The following NBEAL1 variants were observed in gnomAD, a reference collection of about 807,000 sequenced individuals.
NBEAL1 encodes the protein neurobeachin-like protein 1.
Under a neutral mutation model 351.3 loss-of-function variants are expected in NBEAL1, and 273 were observed. The ratio of observed to expected loss-of-function variants is 0.78; its 90% CI spans 0.70 to 0.86. The LOEUF is 0.86. Among genes scored for constraint, NBEAL1 ranks in the 40% least tolerant of loss-of-function variants. The pLI, the probability that NBEAL1 is intolerant of heterozygous loss-of-function variation, is 0.00. For missense variants in NBEAL1, 2,961 were observed against 3,201.3 expected, an observed-to-expected ratio of 0.92 and a Z score of 1.81; for synonymous variants, 1,050 against 1,086.4, an observed-to-expected ratio of 0.97 and a Z score of 0.66.
In NBEAL1 at chr2:203,220,836, T is replaced by C. The variant is rs1462585545; in HGVS notation, c.*3482T>C. ...TGGTTTAGTCTTTCTTTTTAGCCTG[T>C]GAAGCTCACGTCTGTTATTAAGTTA... On this transcript the variant is annotated 3_prime_UTR_variant, in exon 56 of 56. Coordinates refer to ENST00000683969, the MANE Select transcript of NBEAL1 (RefSeq NM_001378026.1). Among the ~76,000 whole-genome samples, 1 of 152,202 alleles carries C rather than the reference T, an allele frequency of 6.6e-6. No homozygotes were observed. Among genetic ancestry groups the C allele is most frequent in the Non-Finnish European group, 1.5e-5 (1 of 68,028 alleles).
intron 35 of NBEAL1, among the ~76,000 whole-genome samples, chr2:203,155,988 A>G (rs1373394921): frequency 1.3e-5 from 2 of 152,136 alleles, no homozygotes; most frequent in African/African-American, 4.8e-5. Context: ...TGAACTCTAG[A>G]ACAATGTTTC....
intron 18 of NBEAL1, among the ~76,000 whole-genome samples, chr2:203,118,151 A>G (rs1351392908): frequency 6.6e-6 from 1 of 152,170 alleles, no homozygotes; most frequent in East Asian, 1.9e-4. Context: ...ACCAATTACT[A>G]ATGTTTTACT....
chr2:203,167,202 G>A lies in NBEAL1; in HGVS notation c.5864-25G>A, dbSNP rs376365128. 1.2e-4 allele frequency: 198 copies of A among 1,593,134 alleles called. 1 individual carries two copies. In the African/African-American group the frequency reaches 2.4e-3, roughly 20 times the overall value. On this transcript the variant is annotated intron_variant, in intron 37 of 55. Transcript: ENST00000683969. ...ATGAGTAACTTTATATGGTATCTCA[G>A]TCACAAGATTTCTTCCGTTTTCAGG...
chr2:203,096,684 A>G (rs1228683179), intron 10 of NBEAL1, among the ~76,000 whole-genome samples: 1 of 152,218 alleles, frequency 6.6e-6, no homozygotes, highest in Non-Finnish European at 1.5e-5. Flanking sequence ...GACTTTGGAG[A>G]ATACTTTTAA....
At chr2:203,195,975 A>T (rs895755915) in intron 47 of NBEAL1, among the ~76,000 whole-genome samples, 1 of 152,136 alleles carries the variant, frequency 6.6e-6, no homozygotes, top group African/African-American at 2.4e-5. Context: ...GTAAGGATGA[A>T]CTGTTCGCCA....
chr2:203,113,371 CTAAA>C (rs1334432278), intron 17 of NBEAL1, 53 bp downstream of exon 17: 1 of 987,214 alleles, frequency 1.0e-6, no homozygotes, highest in Non-Finnish European at 1.3e-6. Context: ...TTTTTGTTGT[CTAAA>C]TATATTCTGA....
At chr2:203,026,608 G>A (rs1047470132) in intron 2 of NBEAL1, among the ~76,000 whole-genome samples, 2 of 150,238 alleles carry the variant, frequency 1.3e-5, no homozygotes, top group African/African-American at 2.5e-5. Context: ...TCCACCTCCC[G>A]GGTTCAAGCA....
At chr2:203,209,123 C>T in intron 52 of NBEAL1, 38 bp from the exon 53 acceptor site, 2 of 1,531,522 alleles carry the variant, frequency 1.3e-6, no homozygotes. Context: ...TGTTCTTTTC[C>T]TTTGTCTTTT....
At chr2:203,112,778 A>G (rs1399821003) in intron 16 of NBEAL1, among the ~76,000 whole-genome samples, 1 of 152,218 alleles carries the variant, frequency 6.6e-6, no homozygotes, top group Admixed American at 6.5e-5. Context: ...CAAAGAATAT[A>G]AAATAGTCAT....
At chr2:203,154,607 A>G (rs1243263469) in intron 35 of NBEAL1, among the ~76,000 whole-genome samples, 2 of 152,166 alleles carry the variant, frequency 1.3e-5, no homozygotes, top group African/African-American at 4.8e-5. Flanking sequence ...TTAAAATATT[A>G]TTTTGGATGG....
At chr2:203,016,551 C>T (rs2060683705) in intron 2 of NBEAL1, 116 bp downstream of exon 2, 2 of 592,806 alleles carry the variant, frequency 3.4e-6, no homozygotes, top group Admixed American at 7.6e-5. Flanking sequence ...AATGAATAAC[C>T]CCAAACTTAA....
chr2:203,022,431 T>C (rs2060787461), intron 2 of NBEAL1, among the ~76,000 whole-genome samples: 1 of 152,144 alleles, frequency 6.6e-6, no homozygotes, highest in Admixed American at 6.5e-5. Flanking sequence ...CCCTGAACAG[T>C]TTTGTGAAGC....
In NBEAL1 at chr2:203,217,269, T is replaced by C; in HGVS notation, c.8087T>C (p.Leu2696Pro). The change falls in exon 56 of 56, where the codon CTT becomes CCT. Residue 2696 changes from leucine (L) to proline (P), a missense_variant. Transcript: ENST00000683969. The part of the protein sequence containing the change: ...GKPAEMRSGQ[L>P]SRKFWGSSKR... ...TTTACACAGATGCGTTCAGGTCAGC[T>C]TTCTCGAAAATTTTGGGGATCGAGC... is the stretch of plus-strand genomic sequence containing the variant. The C allele has an allele frequency of 6.3e-7, 1 of 1,597,628 alleles. No individual in the cohort carries two copies. The highest frequency in any genetic ancestry group is 8.5e-7 in the Non-Finnish European group (1 of 1,171,912).
intron 10 of NBEAL1, among the ~76,000 whole-genome samples, chr2:203,096,852 C>G (rs1247576642): frequency 6.6e-6 from 1 of 152,206 alleles, no homozygotes; most frequent in Non-Finnish European, 1.5e-5. Context: ...CACAAACTTC[C>G]TTAACTATAG....
chr2:203,022,264 A>G (rs2060784914), intron 2 of NBEAL1, among the ~76,000 whole-genome samples: 1 of 152,204 alleles, frequency 6.6e-6, no homozygotes, highest in Admixed American at 6.5e-5. Flanking sequence ...TGTCTGGTGT[A>G]AAGTATCAAA....
chr2:203,178,210 G>A (rs1383541675), intron 42 of NBEAL1, among the ~76,000 whole-genome samples: 2 of 149,026 alleles, frequency 1.3e-5, no homozygotes, highest in Admixed American at 6.7e-5. Context: ...TGTCGCCCAG[G>A]CTGGAGTACA....
chr2:203,106,108 C>T (rs1022363851), intron 12 of NBEAL1, among the ~76,000 whole-genome samples: 49 of 152,258 alleles, frequency 3.2e-4, no homozygotes, highest in African/African-American at 1.1e-3. Flanking sequence ...TTCTTCTGTC[C>T]AGTTATACTG....
chr2:203,070,359 CTTT>C (rs34588218), intron 7 of NBEAL1, among the ~76,000 whole-genome samples: 7 of 92,330 alleles, frequency 7.6e-5, no homozygotes, highest in African/African-American at 2.1e-4. Flanking sequence ...CTCTCTCTCT[CTTT>C]TTTTTTTTTT....
rs1416026149 is a variant in NBEAL1 at position 203,144,961 on chromosome 2, G to A, written c.5155-50G>A. ...TCTGCTAATTTACCATTTTTATAGA[G>A]GTGAAGTCATATATTAAATTTTATG... is the stretch of plus-strand genomic sequence containing the variant. On this transcript the variant is annotated intron_variant, in intron 32 of 55. Coordinates refer to ENST00000683969, the MANE Select transcript of NBEAL1 (RefSeq NM_001378026.1). 3.3e-6 allele frequency: 5 copies of A among 1,507,900 alleles called. No homozygotes were observed. The African/African-American group carries it at 7.1e-5, about 21-fold the overall frequency. The allele number at this position is 1,507,900 out of a possible 1,614,324, so 93.4% of individuals were successfully genotyped here. A position where few individuals can be genotyped will look rare whatever the true frequency, so the allele number is the denominator to read the frequency against.
Sources: allele counts gnomAD v4.1 joint callset (sites outside exome capture counted in the v4.1 genomes callset), GRCh38; gene constraint gnomAD v4.1.1; transcripts MANE v1.5; gene names NCBI Gene and HGNC (gene_info 2026-07-23, HGNC 2026-07-21).